Variants in SOX5 observed in about 807,000 individuals in gnomAD.
SOX5 encodes SRY-box transcription factor 5, also known as transcription factor SOX-5.
SOX5 carries 9 observed loss-of-function variants against 92.0 expected under a neutral mutation model. That is an observed-to-expected ratio of 0.10 (90% CI 0.06 to 0.17). The LOEUF (loss-of-function observed/expected upper bound fraction) is 0.17. Among genes scored for constraint, SOX5 ranks in the 10% least tolerant of loss-of-function variants. SOX5 has a pLI of 1.00. For synonymous variants in SOX5, 344 were observed against 336.3 expected, an observed-to-expected ratio of 1.02 and a Z score of -0.25; for missense variants, 642 against 944.5, an observed-to-expected ratio of 0.68 and a Z score of 4.20.
At chr12:24,074,704 T>C (rs1375453026) in intron 4 of SOX5, among the ~76,000 whole-genome samples, 1 of 150,388 alleles carries the variant, frequency 6.6e-6, no homozygotes, top group African/African-American at 2.4e-5. Context: ...AAAATTTGTA[T>C]GTGTTAAAGA....
At chr12:24,246,886 AG>A (rs1429579162) in intron 3 of SOX5, among the ~76,000 whole-genome samples, 1 of 152,172 alleles carries the variant, frequency 6.6e-6, no homozygotes, top group Non-Finnish European at 1.5e-5. Flanking sequence ...TAAATGATAA[AG>A]GGAGAGGGGA....
At chr12:24,412,802 G>A (rs1045985768) in intron 1 of SOX5, among the ~76,000 whole-genome samples, 1 of 131,774 alleles carries the variant, frequency 7.6e-6, no homozygotes, top group African/African-American at 2.9e-5. Context: ...TTTTTTGAGA[G>A]GGAGTGCAGT....
chr12:24,348,510 A>G (rs1595819162), intron 2 of SOX5, among the ~76,000 whole-genome samples: 1 of 151,824 alleles, frequency 6.6e-6, no homozygotes, highest in African/African-American at 2.4e-5. Context: ...AGCCTCCCGA[A>G]TAGCTGGGAT....
chr12:24,273,140 T>C (rs1022408547), intron 3 of SOX5, among the ~76,000 whole-genome samples: 1 of 152,264 alleles, frequency 6.6e-6, no homozygotes, highest in Admixed American at 6.5e-5. Flanking sequence ...GTGCCTGTAA[T>C]ACCAGCTACT....
chr12:23,732,708 T>G (rs1324004813), intron 6 of SOX5, among the ~76,000 whole-genome samples: 2 of 152,172 alleles, frequency 1.3e-5, no homozygotes, highest in African/African-American at 4.8e-5. Context: ...CCTAACACTT[T>G]GATCAAATAA....
At chr12:23,693,976 A>T (rs1225379474) in intron 6 of SOX5, among the ~76,000 whole-genome samples, 2 of 152,294 alleles carry the variant, frequency 1.3e-5, no homozygotes, top group South Asian at 4.1e-4. Flanking sequence ...TTATTTTGGC[A>T]GTAAGCTAGT....
intron 3 of SOX5, among the ~76,000 whole-genome samples, chr12:24,214,782 T>C (rs541396917): frequency 6.6e-6 from 1 of 152,192 alleles, no homozygotes; most frequent in South Asian, 2.1e-4. Flanking sequence ...TTAGAGGTAA[T>C]CTAAGACCAG....
intron 1 of SOX5, among the ~76,000 whole-genome samples, chr12:23,938,866 A>G (rs1195190679): frequency 6.6e-6 from 1 of 151,006 alleles, no homozygotes; most frequent in East Asian, 1.9e-4. Context: ...TAAGTAAACC[A>G]ATTTCTTACA....
intron 4 of SOX5, among the ~76,000 whole-genome samples, chr12:24,195,133 G>A (rs1956888674): frequency 9.1e-6 from 1 of 109,350 alleles, no homozygotes; most frequent in African/African-American, 4.1e-5. Context: ...AAAATAAATT[G>A]TTTGGGAAAA....
intron 6 of SOX5, among the ~76,000 whole-genome samples, chr12:23,676,142 A>C (rs1249054356): frequency 2.6e-5 from 4 of 152,130 alleles, no homozygotes; most frequent in Non-Finnish European, 4.4e-5. Context: ...AAATCTAGAG[A>C]TCTAATGTAC....
intron 1 of SOX5, among the ~76,000 whole-genome samples, chr12:23,949,032 G>T (rs935762831): frequency 6.6e-6 from 1 of 151,926 alleles, no homozygotes; most frequent in South Asian, 2.1e-4. Context: ...TTTCTTTGGG[G>T]GGAAAAAACG....
Position 23,536,663 on chromosome 12 carries a change from C to T in SOX5, c.1778G>A (p.Arg593His), listed in dbSNP as rs1940536576. 6.2e-7 allele frequency: 1 copy of T among 1,613,182 alleles called. No individual in the cohort carries two copies. Among genetic ancestry groups the T allele is most frequent in the Non-Finnish European group, 8.5e-7 (1 of 1,179,218 alleles). Reference protein sequence around the residue: ...NSNISKILGSRWKAMTNLEKQ... With the variant: ...NSNISKILGSHWKAMTNLEKQ... ...CTCTAGGTTTGTCATAGCTTTCCAG[C>T]GAGATCCTATGAAGAAAGGAGGTTA... Residue 593 changes from arginine to histidine, a missense_variant, in exon 14 of 15, where the codon CGC (arginine) becomes CAC (histidine). Physicochemically the swap from Arg to His is conservative, Grantham distance 29. Transcript: ENST00000451604.
At chr12:23,705,837 A>C (rs2091313580) in intron 6 of SOX5, among the ~76,000 whole-genome samples, 1 of 152,080 alleles carries the variant, frequency 6.6e-6, no homozygotes, top group Admixed American at 6.6e-5. Context: ...CCAGAATGTG[A>C]AGCGGTCCCC....
chr12:24,481,430 GT>G (rs1945985162), intron 1 of SOX5, among the ~76,000 whole-genome samples: 1 of 152,158 alleles, frequency 6.6e-6, no homozygotes, highest in Admixed American at 6.6e-5. Context: ...TAATTGGACT[GT>G]TTGTAACACA....
chr12:23,795,061 G>A (rs2142032295), intron 3 of SOX5, among the ~76,000 whole-genome samples: 1 of 152,144 alleles, frequency 6.6e-6, no homozygotes, highest in African/African-American at 2.4e-5. Flanking sequence ...AGTTTTACTG[G>A]CAGATTTGAC....
chr12:24,138,204 A>G (rs1204191522), intron 4 of SOX5, among the ~76,000 whole-genome samples: 3 of 152,256 alleles, frequency 2.0e-5, no homozygotes, highest in Admixed American at 6.5e-5. Context: ...CAGAGAACGG[A>G]GGCGTATCCA....
chr12:24,526,466 A>T (rs1427450137), intron 1 of SOX5, among the ~76,000 whole-genome samples: 1 of 152,196 alleles, frequency 6.6e-6, no homozygotes. Flanking sequence ...GCAAACGCAG[A>T]GTATATAATG....
intron 6 of SOX5, among the ~76,000 whole-genome samples, chr12:23,699,849 C>G (rs1239679855): frequency 6.6e-6 from 1 of 152,134 alleles, no homozygotes; most frequent in Non-Finnish European, 1.5e-5. Flanking sequence ...TAAGGGGAAG[C>G]AGTGTAGCCT....
At chr12:23,841,911 T>C (rs1446114754) in intron 3 of SOX5, among the ~76,000 whole-genome samples, 1 of 152,112 alleles carries the variant, frequency 6.6e-6, no homozygotes, top group African/African-American at 2.4e-5. Context: ...ACATTGTACA[T>C]TTCTATGCAT....
Sources: gnomAD v4.1 joint callset for allele counts (sites outside exome capture counted in the v4.1 genomes callset) on GRCh38, gnomAD v4.1.1 for gene constraint, MANE v1.5 for transcripts, NCBI Gene and HGNC (gene_info 2026-07-23, HGNC 2026-07-21) for gene names.